Variants in CMTM8 observed in about 807,000 individuals in gnomAD.
CMTM8 encodes CKLF like MARVEL transmembrane domain containing 8, also known as CKLF-like MARVEL transmembrane domain-containing protein 8.
Under a neutral mutation model 18.6 loss-of-function variants are expected in CMTM8, and 12 were observed. The ratio of observed to expected loss-of-function variants is 0.65; its 90% CI spans 0.41 to 1.05. The LOEUF (loss-of-function observed/expected upper bound fraction) is 1.05. Among genes scored for constraint, CMTM8 ranks in the 50% least tolerant of loss-of-function variants. CMTM8 has a pLI of 0.00. For missense variants in CMTM8, 217 were observed against 227.2 expected (o/e 0.95, Z 0.29); for synonymous variants, 87 against 90.6 (o/e 0.96, Z 0.23).
chr3:32,273,500 G>A lies in CMTM8; in HGVS notation c.147+34381G>A, dbSNP rs537853116. On this transcript the variant is annotated intron_variant, in intron 1 of 3. Coordinates refer to ENST00000307526, the MANE Select transcript of CMTM8 (RefSeq NM_178868.5). ...ATACCCGTACAATGGAAACTTATTTGGCAATAAAAAGAAATAAAATATTGA... is the reference window on the plus strand; with the variant it reads ...ATACCCGTACAATGGAAACTTATTTAGCAATAAAAAGAAATAAAATATTGA... 6.6e-5 allele frequency among the ~76,000 whole-genome samples: 10 copies of A among 152,174 alleles called. No homozygotes were observed. The East Asian group carries it at 1.2e-3, about 18-fold the overall frequency.
At chr3:32,303,964 AT>A (rs1419765973) in intron 1 of CMTM8, among the ~76,000 whole-genome samples, 2 of 152,228 alleles carry the variant, frequency 1.3e-5, no homozygotes, top group East Asian at 3.8e-4. Context: ...TGCAGTCCAT[AT>A]TCAAATTTTC....
chr3:32,248,900 G>A (rs1702078589), intron 1 of CMTM8, among the ~76,000 whole-genome samples: 1 of 151,802 alleles, frequency 6.6e-6, no homozygotes, highest in African/African-American at 2.4e-5. Context: ...CTCCCACCTT[G>A]GCCTCTCACA....
intron 1 of CMTM8, among the ~76,000 whole-genome samples, chr3:32,254,403 CAT>C (rs1457458204): frequency 6.6e-6 from 1 of 152,028 alleles, no homozygotes. Flanking sequence ...CTATATGTAT[CAT>C]ATAGTTAGAT....
intron 2 of CMTM8, among the ~76,000 whole-genome samples, chr3:32,363,796 A>G (rs1696979674): frequency 6.6e-6 from 1 of 152,176 alleles, no homozygotes; most frequent in South Asian, 2.1e-4. Flanking sequence ...TGTCTGGGGT[A>G]GGGCCTGGGA....
chr3:32,362,582 C>A (rs1450878782), intron 2 of CMTM8, among the ~76,000 whole-genome samples: 2 of 152,184 alleles, frequency 1.3e-5, no homozygotes, highest in Non-Finnish European at 2.9e-5. Context: ...CCAGTATACA[C>A]AGATATTCCA....
Position 32,346,910 on chromosome 3 carries a change from T to C in CMTM8, c.148-10463T>C, listed in dbSNP as rs182974749. On this transcript the variant is annotated intron_variant, in intron 1 of 3. Transcript: ENST00000307526. ...ATCACAGCTCATTGCAACCTCAACCTCCTGGGCTCAAGCAACCCTCCCACC... is the reference window on the plus strand; with the variant it reads ...ATCACAGCTCATTGCAACCTCAACCCCCTGGGCTCAAGCAACCCTCCCACC... 4.4e-4 allele frequency among the ~76,000 whole-genome samples: 66 copies of C among 150,708 alleles called. 1 individual carries two copies. In the East Asian group the frequency reaches 9.4e-3, roughly 21 times the overall value.
intron 1 of CMTM8, 141 bp downstream of exon 1, chr3:32,239,260 C>A: frequency 1.1e-6 from 1 of 915,818 alleles, no homozygotes; most frequent in Non-Finnish European, 1.6e-6. Flanking sequence ...GCCTTCTTCC[C>A]AAAGTGAAAG....
chr3:32,272,128 G>A (rs1702447499), intron 1 of CMTM8, among the ~76,000 whole-genome samples: 1 of 152,128 alleles, frequency 6.6e-6, no homozygotes, highest in Non-Finnish European at 1.5e-5. Flanking sequence ...TTGTCTCAGT[G>A]CATTTGAAAG....
chr3:32,327,959 C>T (rs969606835), intron 1 of CMTM8, among the ~76,000 whole-genome samples: 1 of 152,096 alleles, frequency 6.6e-6, no homozygotes, highest in Admixed American at 6.6e-5. Flanking sequence ...GCCTGTAATC[C>T]CAACATTTTG....
At chr3:32,263,739 G>T (rs962870922) in intron 1 of CMTM8, among the ~76,000 whole-genome samples, 3 of 152,130 alleles carry the variant, frequency 2.0e-5, no homozygotes, top group East Asian at 1.9e-4. Flanking sequence ...AATAACCAAT[G>T]CAGAGAAGTC....
At chr3:32,287,428 C>T (rs1702706269) in intron 1 of CMTM8, among the ~76,000 whole-genome samples, 1 of 152,216 alleles carries the variant, frequency 6.6e-6, no homozygotes, top group Non-Finnish European at 1.5e-5. Context: ...ACTGCCCTCA[C>T]TCTTAAAATC....
At chr3:32,306,040 A>G (rs898619152) in intron 1 of CMTM8, among the ~76,000 whole-genome samples, 1 of 152,096 alleles carries the variant, frequency 6.6e-6, no homozygotes, top group Admixed American at 6.5e-5. Context: ...ATGCTTTGTG[A>G]TGAACCATCC....
At chr3:32,341,043 G>A (rs1279625621) in intron 1 of CMTM8, among the ~76,000 whole-genome samples, 2 of 152,220 alleles carry the variant, frequency 1.3e-5, no homozygotes, top group Non-Finnish European at 2.9e-5. Context: ...AGATGTTTAA[G>A]CCATCAGAGC....
chr3:32,296,157 A>G (rs1702875758), intron 1 of CMTM8, among the ~76,000 whole-genome samples: 1 of 151,954 alleles, frequency 6.6e-6, no homozygotes, highest in Non-Finnish European at 1.5e-5. Flanking sequence ...TTTTTAAATA[A>G]AGATGAGGTC....
At chr3:32,276,896 T>C (rs1337479354) in intron 1 of CMTM8, among the ~76,000 whole-genome samples, 1 of 152,124 alleles carries the variant, frequency 6.6e-6, no homozygotes, top group South Asian at 2.1e-4. Context: ...CTGAGAAATT[T>C]TTTTTTTTTG....
chr3:32,310,075 A>G (rs1021925103), intron 1 of CMTM8, among the ~76,000 whole-genome samples: 2 of 152,260 alleles, frequency 1.3e-5, no homozygotes, highest in Non-Finnish European at 2.9e-5. Flanking sequence ...CTAAGTGAAC[A>G]CAGGAGATCC....
intron 1 of CMTM8, among the ~76,000 whole-genome samples, chr3:32,243,553 A>T (rs1324172873): frequency 2.0e-5 from 3 of 148,212 alleles, no homozygotes; most frequent in African/African-American, 7.4e-5. Flanking sequence ...AAAAAAAATC[A>T]CATTCTTTTA....
chr3:32,320,837 C>A (rs1696030120), intron 1 of CMTM8, among the ~76,000 whole-genome samples: 1 of 152,048 alleles, frequency 6.6e-6, no homozygotes. Flanking sequence ...TAGATTCTCT[C>A]CTCAAAAATC....
intron 1 of CMTM8, among the ~76,000 whole-genome samples, chr3:32,300,019 A>G (rs1404631756): frequency 2.0e-5 from 3 of 152,240 alleles, no homozygotes; most frequent in Non-Finnish European, 4.4e-5. Context: ...CAGCACCTCT[A>G]TAACAAAAAG....
Sources: allele counts gnomAD v4.1 joint callset (sites outside exome capture counted in the v4.1 genomes callset), GRCh38; gene constraint gnomAD v4.1.1; transcripts MANE v1.5; gene names NCBI Gene and HGNC (gene_info 2026-07-23, HGNC 2026-07-21).